Variants in TSPEAR observed in about 807,000 individuals in gnomAD.
The protein encoded by TSPEAR is thrombospondin-type laminin G domain and EAR repeat-containing protein.
Under a neutral mutation model 71.6 loss-of-function variants are expected in TSPEAR, and 69 were observed. The observed-to-expected ratio is 0.96, with a 90% CI of 0.79 to 1.18. TSPEAR has a LOEUF of 1.18. TSPEAR is among the 50% of genes most tolerant of loss of function. The pLI is 0.00. For synonymous variants in TSPEAR, 402 were observed against 387.2 expected, an observed-to-expected ratio of 1.04 and a Z score of -0.45; for missense variants, 971 against 894.9, an observed-to-expected ratio of 1.09 and a Z score of -1.09.
intron 1 of TSPEAR, chr21:44,697,615 G>C: frequency 6.2e-7 from 1 of 1,613,970 alleles, no homozygotes; most frequent in Non-Finnish European, 8.5e-7. Context: ...CTAGCTGCCA[G>C]CCAGCTTGCT....
intron 9 of TSPEAR, among the ~76,000 whole-genome samples, chr21:44,521,027 G>A (rs148562432): frequency 6.0e-4 from 91 of 152,308 alleles, no homozygotes; most frequent in East Asian, 5.6e-3. Flanking sequence ...TCACTGCCTC[G>A]GGTGCAGAAG....
Position 44,677,018 on chromosome 21 carries a change from T to G in TSPEAR, c.82+34415A>C. 6.9e-6 allele frequency: 6 copies of G among 872,428 alleles called. No individual in the cohort carries two copies. In the South Asian group the frequency reaches 8.1e-5, roughly 12 times the overall value. 54.0% of individuals were successfully genotyped at this position (872,428 alleles called of 1,614,324 possible). On this transcript the variant is annotated intron_variant, in intron 1 of 11. Coordinates refer to ENST00000323084, the MANE Select transcript of TSPEAR (RefSeq NM_144991.3). ...CCAGGAAGGACTTCTGGAGTAATAC[T>G]GTCCAGCTGTCGTTTAAAGTCATCC...
At chr21:44,696,805 A>G (rs1327627011) in intron 1 of TSPEAR, among the ~76,000 whole-genome samples, 1 of 152,156 alleles carries the variant, frequency 6.6e-6, no homozygotes, top group Non-Finnish European at 1.5e-5. Context: ...GGCTCCCTCC[A>G]CGGCCCCACG....
At chr21:44,692,689 C>T (rs1237970128) in intron 1 of TSPEAR, among the ~76,000 whole-genome samples, 5 of 152,092 alleles carry the variant, frequency 3.3e-5, no homozygotes, top group Non-Finnish European at 7.4e-5. Context: ...AACTGTAAAA[C>T]ATTGCTGAAA....
chr21:44,670,845 G>A (rs55835624), intron 1 of TSPEAR, among the ~76,000 whole-genome samples: 5,996 of 152,222 alleles, frequency 0.039, 128 homozygotes, highest in Middle Eastern at 0.085. Context: ...CTTCAGCTCT[G>A]CCGAATCCCA....
chr21:44,597,864 T>C (rs1168206914), intron 1 of TSPEAR, among the ~76,000 whole-genome samples: 5 of 152,262 alleles, frequency 3.3e-5, no homozygotes, highest in Admixed American at 1.3e-4. Flanking sequence ...AGTTTATATC[T>C]ATCTGCCATC....
chr21:44,617,100 A>G (rs1258395822), intron 1 of TSPEAR, among the ~76,000 whole-genome samples: 1 of 151,936 alleles, frequency 6.6e-6, no homozygotes, highest in Non-Finnish European at 1.5e-5. Flanking sequence ...TCACCCACTC[A>G]TGCCTCCCCC....
At chr21:44,627,985 T>G (rs782164729) in intron 1 of TSPEAR, 1 of 1,611,174 alleles carries the variant, frequency 6.2e-7, no homozygotes, top group East Asian at 2.2e-5. Context: ...GTCCCTTCTC[T>G]GCCGCCCTGT....
Position 44,607,632 on chromosome 21 carries a change from G to A in TSPEAR, c.83-39627C>T, listed in dbSNP as rs115354657. Among the ~76,000 whole-genome samples the A allele has an allele frequency of 5.1e-3, 770 of 152,232 alleles. 3 individuals carry two copies. The highest frequency in any genetic ancestry group is 0.017 in the African/African-American group (711 of 41,506). ...ATCGGATTTTACTACAATTAAGAGC[G>A]TCTCTTCATCAAATGATACTATTAA... is the stretch of plus-strand genomic sequence containing the variant. On this transcript the variant is annotated intron_variant, in intron 1 of 11. Transcript: ENST00000323084.
intron 1 of TSPEAR, among the ~76,000 whole-genome samples, chr21:44,579,077 G>T (rs782272994): frequency 6.6e-6 from 1 of 152,192 alleles, no homozygotes; most frequent in Non-Finnish European, 1.5e-5. Flanking sequence ...ACTCTCGGGC[G>T]GGCGGCACAC....
intron 1 of TSPEAR, among the ~76,000 whole-genome samples, chr21:44,577,266 A>C (rs1284674970): frequency 2.0e-5 from 3 of 152,218 alleles, no homozygotes; most frequent in African/African-American, 7.2e-5. Context: ...AGAAATAATA[A>C]AATAATCAAG....
Position 44,612,558 on chromosome 21 carries a change from C to T in TSPEAR, c.83-44553G>A. ...TGCTGCCAGCAGTCTAGCTGCCAGTCAGCTTGCTGCACCTTCTCCCCATGC... is the reference window on the plus strand; with the variant it reads ...TGCTGCCAGCAGTCTAGCTGCCAGTTAGCTTGCTGCACCTTCTCCCCATGC... On this transcript the variant is annotated intron_variant, in intron 1 of 11. Coordinates refer to ENST00000323084, the MANE Select transcript of TSPEAR (RefSeq NM_144991.3). The surrounding 1 kb of genome is among the most constrained non-coding windows in gnomAD (Gnocchi z 4.1). 6.2e-7 allele frequency: 1 copy of T among 1,614,058 alleles called. No individual in the cohort carries two copies. The highest frequency in any genetic ancestry group is 8.5e-7 in the Non-Finnish European group (1 of 1,179,958).
chr21:44,638,213 C>G (rs587717026), intron 1 of TSPEAR: 2 of 1,571,136 alleles, frequency 1.3e-6, no homozygotes, highest in East Asian at 4.5e-5. Context: ...CCACCAGGGG[C>G]TGACCTCCCA....
Position 44,527,398 on chromosome 21 carries a change from T to G in TSPEAR, c.1043A>C (p.Lys348Thr). The part of the protein sequence containing the change: ...VGLFVATANR[K>T]ATSAVYKWTE... The stretch of plus-strand genomic sequence containing the variant: ...CCACTTGTAGACGGCGGATGTGGCT[T>G]TGCGATTGGCTGTGGCCACAAAGAG... The change falls in exon 7 of 12, where the codon AAA becomes ACA. Residue 348 changes from lysine (K) to threonine (T), a missense_variant. Transcript: ENST00000323084. The G allele has an allele frequency of 6.2e-7, 1 of 1,614,180 alleles. No individual in the cohort carries two copies. Among genetic ancestry groups the G allele is most frequent in the Non-Finnish European group, 8.5e-7 (1 of 1,180,036 alleles).
intron 1 of TSPEAR, chr21:44,601,067 C>T (rs374868625): frequency 2.0e-5 from 32 of 1,611,744 alleles, no homozygotes; most frequent in Admixed American, 3.4e-5. Flanking sequence ...TGCACCTCCT[C>T]CCCCTGCCAG....
chr21:44,509,960 C>G (rs960995844), intron 9 of TSPEAR: 3 of 153,356 alleles, frequency 2.0e-5, no homozygotes, highest in African/African-American at 7.2e-5. Context: ...CACGCTTTCC[C>G]TGGCCTTGCA....
chr21:44,567,441 G>T (rs1249044023), intron 2 of TSPEAR, among the ~76,000 whole-genome samples: 4 of 152,178 alleles, frequency 2.6e-5, no homozygotes, highest in African/African-American at 4.8e-5. Flanking sequence ...GGGATTGATG[G>T]CACTTCAAGT....
chr21:44,699,133 G>T (rs1416486047), intron 1 of TSPEAR, among the ~76,000 whole-genome samples: 2 of 152,072 alleles, frequency 1.3e-5, no homozygotes, highest in Non-Finnish European at 2.9e-5. Context: ...GGAGGCGGAG[G>T]GTGCAGTGAG....
At chr21:44,610,009 CAGG>C (rs1311785041) in intron 1 of TSPEAR, among the ~76,000 whole-genome samples, 19 of 152,096 alleles carry the variant, frequency 1.2e-4, no homozygotes, top group African/African-American at 4.3e-4. Context: ...CTGAGACAAA[CAGG>C]AGAACTAAGA....
Sources: gnomAD v4.1 joint callset for allele counts (sites outside exome capture counted in the v4.1 genomes callset) on GRCh38, gnomAD v4.1.1 for gene constraint, Gnocchi (gnomAD v3.1) non-coding constraint, MANE v1.5 for transcripts, NCBI Gene and HGNC (gene_info 2026-07-23, HGNC 2026-07-21) for gene names.